Variants in PCTP observed in about 807,000 individuals in gnomAD.
The protein encoded by PCTP is phosphatidylcholine transfer protein.
Under a neutral mutation model 31.0 loss-of-function variants are expected in PCTP, and 27 were observed. The ratio of observed to expected loss-of-function variants is 0.87; its 90% confidence interval spans 0.64 to 1.20. PCTP has a LOEUF of 1.20. PCTP is among the 50% of genes most tolerant of loss of function. PCTP has a pLI of 0.00. For synonymous variants in PCTP, 108 were observed against 101.2 expected, an observed-to-expected ratio of 1.07 and a Z score of -0.40; for missense variants, 287 against 268.2, an observed-to-expected ratio of 1.07 and a Z score of -0.49.
At chr17:55,802,483 C>G (rs1022614559) in intron 3 of PCTP, among the ~76,000 whole-genome samples, 1 of 152,166 alleles carries the variant, frequency 6.6e-6, no homozygotes, top group African/African-American at 2.4e-5. Flanking sequence ...AAAATACTGG[C>G]AAACCAAATC....
At chr17:55,784,782 T>C (rs952055504) in intron 2 of PCTP, among the ~76,000 whole-genome samples, 1 of 152,254 alleles carries the variant, frequency 6.6e-6, no homozygotes, top group African/African-American at 2.4e-5. Context: ...TTTATACTTA[T>C]AATCAAATCC....
chr17:55,796,090 A>G (rs1246910525), intron 3 of PCTP, among the ~76,000 whole-genome samples: 2 of 152,014 alleles, frequency 1.3e-5, no homozygotes, highest in Non-Finnish European at 2.9e-5. Flanking sequence ...AAGTAATAGT[A>G]CGAATTAAGG....
chr17:55,848,931 G>A, the PCTP span, among the ~76,000 whole-genome samples: 1 of 151,910 alleles, frequency 6.6e-6, no homozygotes, highest in Non-Finnish European at 1.5e-5. Context: ...CATGCTTACT[G>A]GAATAAATAA....
rs1002454893 is a variant in PCTP, at chr17:55,751,160, G to A, written c.57G>A (p.Glu19=). ...SEEQFWEACA[E]LQQPALAGAD... ...AGCAGTTCTGGGAGGCCTGCGCCGA[G>A]CTCCAGCAGCCCGCTCTGGCCGGGG... is the stretch of plus-strand genomic sequence containing the variant. The change falls in exon 1 of 6, where the codon GAG becomes GAA. Residue 19 remains glutamate (E), a synonymous_variant. Transcript: ENST00000268896. 4.0e-5 allele frequency: 62 copies of A among 1,548,252 alleles called. No individual in the cohort carries two copies. The highest frequency in any genetic ancestry group is 5.2e-5 in the Non-Finnish European group (60 of 1,146,156).
At chr17:55,770,948 G>C in intron 2 of PCTP, 158 bp from the exon 3 acceptor site, 1 of 587,968 alleles carries the variant, frequency 1.7e-6, no homozygotes, top group Non-Finnish European at 3.1e-6. Context: ...TCCCAGGCTG[G>C]TCTTGAACTC....
chr17:55,780,916 T>A (rs941365053), downstream of PCTP, among the ~76,000 whole-genome samples: 1 of 151,566 alleles, frequency 6.6e-6, no homozygotes, highest in Non-Finnish European at 1.5e-5. Flanking sequence ...GAATCAAGGA[T>A]GAAAGCCTAG....
intron 5 of PCTP, chr17:55,775,507 T>C (rs1252483197): frequency 8.4e-7 from 1 of 1,193,768 alleles, no homozygotes; most frequent in African/African-American, 1.6e-5. Context: ...CTGTCTTGTT[T>C]TATTTAAGGA....
At chr17:55,819,010 C>CAAAAAAA (rs56823756) in intron 3 of PCTP, among the ~76,000 whole-genome samples, 1,809 of 51,308 alleles carry the variant, frequency 0.035, 18 homozygotes, top group East Asian at 0.088. Flanking sequence ...GGAAAGAAAT[C>CAAAAAAA]AAAAAAAAAA....
intron 3 of PCTP, among the ~76,000 whole-genome samples, chr17:55,800,942 A>G (rs1190177697): frequency 6.6e-6 from 1 of 152,032 alleles, no homozygotes; most frequent in African/African-American, 2.4e-5. Flanking sequence ...TTGCCTGGGT[A>G]TCACCAGTGG....
At chr17:55,771,414 T>C (rs1911001534) in intron 3 of PCTP, among the ~76,000 whole-genome samples, 1 of 152,240 alleles carries the variant, frequency 6.6e-6, no homozygotes, top group South Asian at 2.1e-4. Context: ...TTTTGGTCAC[T>C]GGAGAGCAGC....
intron 5 of PCTP, among the ~76,000 whole-genome samples, chr17:55,838,005 G>A (rs556633839): frequency 6.6e-6 from 1 of 151,888 alleles, no homozygotes; most frequent in South Asian, 2.1e-4. Flanking sequence ...AGCAGGGCAT[G>A]ATAGTGTGCA....
chr17:55,765,676 G>A (rs552897538), intron 1 of PCTP, among the ~76,000 whole-genome samples: 19 of 152,168 alleles, frequency 1.2e-4, no homozygotes, highest in African/African-American at 2.7e-4. Flanking sequence ...ATTTGATTGC[G>A]TCATTCTTAA....
intron 3 of PCTP, among the ~76,000 whole-genome samples, chr17:55,795,104 T>G (rs965274911): frequency 3.9e-5 from 6 of 152,002 alleles, no homozygotes; most frequent in Admixed American, 3.3e-4. Flanking sequence ...TAAAATTGAA[T>G]GAACATGACA....
intron 2 of PCTP, among the ~76,000 whole-genome samples, chr17:55,784,973 C>G (rs1377104046): frequency 6.6e-6 from 1 of 152,226 alleles, no homozygotes; most frequent in Non-Finnish European, 1.5e-5. Flanking sequence ...CTGTATATAG[C>G]ACACTGCCTA....
intron 5 of PCTP, among the ~76,000 whole-genome samples, chr17:55,832,984 T>G (rs1036446051): frequency 7.2e-5 from 11 of 152,218 alleles, no homozygotes; most frequent in Admixed American, 3.9e-4. Context: ...TTGGTTCAAC[T>G]TTTGTCATAT....
chr17:55,850,327 G>T, the PCTP span, among the ~76,000 whole-genome samples: 1 of 152,076 alleles, frequency 6.6e-6, no homozygotes. Context: ...ATTTTCAAAA[G>T]ATTATACAAA....
chr17:55,827,315 TCAAGACACCCC>T (rs1261399579), downstream of PCTP, among the ~76,000 whole-genome samples: 3 of 152,104 alleles, frequency 2.0e-5, no homozygotes, highest in Non-Finnish European at 4.4e-5. Context: ...GGACATGAGG[TCAAGACACCCC>T]AGCCAACCAC....
chr17:55,823,389 AG>A (rs1275794135), downstream of PCTP, among the ~76,000 whole-genome samples: 1 of 152,234 alleles, frequency 6.6e-6, no homozygotes, highest in Non-Finnish European at 1.5e-5. Context: ...AACACAATTA[AG>A]TTCATCCTTT....
downstream of PCTP, among the ~76,000 whole-genome samples, chr17:55,845,016 G>T (rs1022511053): frequency 1.4e-5 from 2 of 147,588 alleles, no homozygotes; most frequent in Non-Finnish European, 1.5e-5. Flanking sequence ...GAACCCGGGA[G>T]GCGGAGGTTG....
Sources: gnomAD v4.1 joint callset for allele counts (sites outside exome capture counted in the v4.1 genomes callset) on GRCh38, gnomAD v4.1.1 for gene constraint, MANE v1.5 for transcripts, NCBI Gene and HGNC (gene_info 2026-07-23, HGNC 2026-07-21) for gene names.